ZNG1C: variants seen among roughly 807,000 people sequenced by gnomAD.
ZNG1C encodes the protein zinc-regulated GTPase metalloprotein activator 1C.
At chr9:68,266,936 C>G in the ZNG1C span, among the ~76,000 whole-genome samples, 1 of 152,232 alleles carries the variant, frequency 6.6e-6, no homozygotes, top group Non-Finnish European at 1.5e-5. Flanking sequence ...GAATGATGCT[C>G]AAATATGTGC....
At chr9:68,293,276 A>AC in the ZNG1C span, among the ~76,000 whole-genome samples, 388 of 152,344 alleles carry the variant, frequency 2.5e-3, no homozygotes, top group African/African-American at 8.4e-3. Context: ...AACAAAAACC[A>AC]AAAAAACAAG....
At chr9:68,280,035 CT>C in the ZNG1C span, among the ~76,000 whole-genome samples, 1 of 135,792 alleles carries the variant, frequency 7.4e-6, no homozygotes, top group African/African-American at 2.8e-5. Flanking sequence ...CTAAACTTCC[CT>C]TCTTGCTTCA....
the ZNG1C span, among the ~76,000 whole-genome samples, chr9:68,278,195 C>CT: frequency 1.5e-4 from 20 of 129,264 alleles, no homozygotes; most frequent in Admixed American, 8.0e-4. Context: ...ATTCTTCTCT[C>CT]TTTTTTTCTT....
At chr9:68,249,150 A>G in the ZNG1C span, 19 of 523,470 alleles carry the variant, frequency 3.6e-5, no homozygotes, top group Non-Finnish European at 5.9e-5. Flanking sequence ...GATTATTTGT[A>G]AGAACAGAAG....
At chr9:68,255,615 CTA>C in the ZNG1C span, among the ~76,000 whole-genome samples, 1 of 147,154 alleles carries the variant, frequency 6.8e-6, no homozygotes, top group Non-Finnish European at 1.5e-5. Context: ...GATTTGTAAA[CTA>C]TTTATTAGAC....
At chr9:68,271,070 G>T in the ZNG1C span, among the ~76,000 whole-genome samples, 144 of 126,614 alleles carry the variant, frequency 1.1e-3, no homozygotes, top group East Asian at 2.2e-3. Context: ...GTAGTTAAGA[G>T]TAAGGAAAAG....
the ZNG1C span, among the ~76,000 whole-genome samples, chr9:68,267,043 G>T: frequency 1.3e-5 from 2 of 151,306 alleles, no homozygotes; most frequent in African/African-American, 2.4e-5. Context: ...ACTTTGTTTT[G>T]AATTATTTTG....
the ZNG1C span, among the ~76,000 whole-genome samples, chr9:68,275,240 TA>T: frequency 8.6e-6 from 1 of 116,528 alleles, no homozygotes; most frequent in East Asian, 2.7e-4. Flanking sequence ...ATGAAATACA[TA>T]GAAAATTTTA....
chr9:68,287,067 TG>T, the ZNG1C span, among the ~76,000 whole-genome samples: 3 of 152,244 alleles, frequency 2.0e-5, no homozygotes, highest in Non-Finnish European at 4.4e-5. Flanking sequence ...TCACTTACCA[TG>T]AACATTTGGA....
chr9:68,287,701 AT>A, the ZNG1C span, among the ~76,000 whole-genome samples: 11 of 151,276 alleles, frequency 7.3e-5, no homozygotes, highest in African/African-American at 2.7e-4. Context: ...GCATATCTAT[AT>A]TTTTGTAGCC....
chr9:68,269,206 C>T, the ZNG1C span: 5 of 453,722 alleles, frequency 1.1e-5, no homozygotes, highest in Admixed American at 1.1e-4. Flanking sequence ...CATGATAACA[C>T]TGTGTAAGTG....
At chr9:68,279,560 C>T in the ZNG1C span, among the ~76,000 whole-genome samples, 3 of 146,268 alleles carry the variant, frequency 2.1e-5, no homozygotes, top group South Asian at 2.4e-4. Context: ...TTCTCCTTCA[C>T]TTATGAAGCT....
At chr9:68,269,571 T>TTTTTTTTTTTTTTTTTG in the ZNG1C span, 1 of 938,768 alleles carries the variant, frequency 1.1e-6, no homozygotes, top group Non-Finnish European at 1.2e-6. Context: ...TTTTTTTTTT[T>TTTTTTTTTTTTTTTTTG]TTTTTTTTTT....
the ZNG1C span, among the ~76,000 whole-genome samples, chr9:68,272,150 C>A: frequency 1.3e-5 from 1 of 74,372 alleles, no homozygotes; most frequent in African/African-American, 5.1e-5. Context: ...GAAGAGCTGA[C>A]CACTGGAAAA....
At chr9:68,268,310 A>G in the ZNG1C span, among the ~76,000 whole-genome samples, 2 of 152,084 alleles carry the variant, frequency 1.3e-5, no homozygotes, top group Non-Finnish European at 2.9e-5. Flanking sequence ...TGTGTTGAAA[A>G]GAATTTAACA....
At chr9:68,245,985 ATTAG>A in the ZNG1C span, among the ~76,000 whole-genome samples, 1 of 141,568 alleles carries the variant, frequency 7.1e-6, no homozygotes, top group Non-Finnish European at 1.5e-5. Flanking sequence ...TGCTTCTGTT[ATTAG>A]TTAACTTTGT....
the ZNG1C span, among the ~76,000 whole-genome samples, chr9:68,297,198 C>A: frequency 1.0e-4 from 15 of 149,316 alleles, no homozygotes; most frequent in African/African-American, 3.7e-4. Context: ...TCAAAAGATA[C>A]AATGAGGTGA....
At chr9:68,249,237 G>A in the ZNG1C span, among the ~76,000 whole-genome samples, 21 of 151,212 alleles carry the variant, frequency 1.4e-4, 1 homozygote, top group South Asian at 2.1e-3. Flanking sequence ...CATCCATGGC[G>A]TATTAGTTCC....
the ZNG1C span, among the ~76,000 whole-genome samples, chr9:68,281,327 G>T: frequency 1.3e-5 from 2 of 152,042 alleles, no homozygotes; most frequent in East Asian, 3.9e-4. Context: ...GCTGTAGACC[G>T]GAGCTGTTCC....
Sources: gnomAD v4.1 joint callset for allele counts (sites outside exome capture counted in the v4.1 genomes callset) on GRCh38, gnomAD v4.1.1 for gene constraint, MANE v1.5 for transcripts, NCBI Gene and HGNC (gene_info 2026-07-23, HGNC 2026-07-21) for gene names.